C19orf38: variants seen among roughly 807,000 people sequenced by gnomAD.
The protein encoded by C19orf38 is chromosome 19 open reading frame 38.
Under a neutral mutation model 26.6 loss-of-function variants are expected in C19orf38, and 14 were observed. The ratio of observed to expected loss-of-function variants is 0.53; its 90% CI spans 0.35 to 0.82. The LOEUF (loss-of-function observed/expected upper bound fraction) is 0.82. C19orf38 is among the 40% of genes least tolerant of loss of function. The probability of loss-of-function intolerance (pLI) is 0.01; values close to 1 mark genes in which losing one functional copy is unlikely to be tolerated. For missense variants in C19orf38, 261 were observed against 299.5 expected, an observed-to-expected ratio of 0.87 and a Z score of 0.95; for synonymous variants, 132 against 128.5, an observed-to-expected ratio of 1.03 and a Z score of -0.18.
intron 1 of C19orf38, among the ~76,000 whole-genome samples, chr19:10,840,931 G>C (rs1043158546): frequency 6.6e-6 from 1 of 152,138 alleles, no homozygotes; most frequent in Non-Finnish European, 1.5e-5. Flanking sequence ...CACTGTGACC[G>C]GCCCTGTTTT....
chr19:10,841,553 G>A (rs2073477965), intron 1 of C19orf38, among the ~76,000 whole-genome samples: 1 of 152,176 alleles, frequency 6.6e-6, no homozygotes, highest in Non-Finnish European at 1.5e-5. Flanking sequence ...AGCACTTTGG[G>A]AGGCCGAGGT....
At chr19:10,844,375 C>G (rs540623857), upstream of C19orf38, among the ~76,000 whole-genome samples, 1 of 148,670 alleles carries the variant, frequency 6.7e-6, no homozygotes, top group East Asian at 2.0e-4. Context: ...TTCACTCCAG[C>G]CTGGGTAACA....
intron 6 of C19orf38, among the ~76,000 whole-genome samples, chr19:10,867,158 C>A (rs1488583094): frequency 6.6e-6 from 1 of 151,854 alleles, no homozygotes; most frequent in Non-Finnish European, 1.5e-5. Flanking sequence ...TCCCCCAGCC[C>A]CTGGCACCCA....
chr19:10,837,016 GT>G (rs2073437398), intron 1 of C19orf38, among the ~76,000 whole-genome samples: 2 of 152,166 alleles, frequency 1.3e-5, no homozygotes, highest in African/African-American at 4.8e-5. Flanking sequence ...TGGGAGCCAC[GT>G]TGCCTGGTTC....
chr19:10,857,366 AT>A (rs773726753), intron 3 of C19orf38, among the ~76,000 whole-genome samples: 938 of 56,054 alleles, frequency 0.017, 13 homozygotes, highest in Middle Eastern at 0.026. Context: ...ATATATATAT[AT>A]TTTTTTTTTT....
chr19:10,849,155 G>C (rs554624657), intron 1 of C19orf38, among the ~76,000 whole-genome samples: 1 of 148,484 alleles, frequency 6.7e-6, no homozygotes, highest in African/African-American at 2.5e-5. Context: ...CTCCTGCCAT[G>C]ATGGCCTCCT....
intron 2 of C19orf38, among the ~76,000 whole-genome samples, chr19:10,855,384 C>G (rs538005535): frequency 1.3e-5 from 2 of 152,188 alleles, no homozygotes; most frequent in South Asian, 2.1e-4. Context: ...GTCACCCAGG[C>G]TGGAGTGCAG....
chr19:10,861,780 G>T (rs1485891685), intron 5 of C19orf38, among the ~76,000 whole-genome samples: 1 of 151,814 alleles, frequency 6.6e-6, no homozygotes, highest in Admixed American at 6.6e-5. Context: ...GTTTCACCAT[G>T]TTGGCCTGGC....
chr19:10,856,550 C>G (rs1859516535), intron 3 of C19orf38, among the ~76,000 whole-genome samples, 193 bp downstream of exon 3: 1 of 152,192 alleles, frequency 6.6e-6, no homozygotes, highest in Admixed American at 6.5e-5. Context: ...GTCGCCCAGG[C>G]TGGAGTGCAG....
upstream of C19orf38, among the ~76,000 whole-genome samples, chr19:10,847,847 C>G (rs1240707193): frequency 9.2e-5 from 14 of 152,094 alleles, no homozygotes; most frequent in Admixed American, 9.2e-4. Flanking sequence ...GCATGGGTTT[C>G]CAAACATCCC....
chr19:10,846,202 T>C (rs2073515637), upstream of C19orf38, among the ~76,000 whole-genome samples: 1 of 151,060 alleles, frequency 6.6e-6, no homozygotes, highest in Non-Finnish European at 1.5e-5. Context: ...TGTTTTTTTG[T>C]TGTTTTTTTT....
At chr19:10,843,974 G>A (rs935322632), upstream of C19orf38, among the ~76,000 whole-genome samples, 6 of 151,958 alleles carry the variant, frequency 3.9e-5, no homozygotes, top group African/African-American at 1.2e-4. Flanking sequence ...TTAGCCAGCC[G>A]TAGTGGTGCA....
chr19:10,857,288 GTATGTATATATATA>G (rs1282187522), intron 3 of C19orf38, among the ~76,000 whole-genome samples: 12 of 133,286 alleles, frequency 9.0e-5, no homozygotes, highest in African/African-American at 3.5e-4. Flanking sequence ...ATATGTGTGT[GTATGTATATATATA>G]TGTGTGTATA....
At chr19:10,844,074 A>G (rs1011943594), upstream of C19orf38, among the ~76,000 whole-genome samples, 4 of 151,510 alleles carry the variant, frequency 2.6e-5, no homozygotes, top group South Asian at 2.1e-4. Context: ...AGATTGCGCC[A>G]CTGCACTCCA....
intron 4 of C19orf38, among the ~76,000 whole-genome samples, chr19:10,859,180 G>A (rs1179145923): frequency 2.0e-5 from 3 of 147,676 alleles, no homozygotes; most frequent in Admixed American, 1.4e-4. Flanking sequence ...CAGGTGATCC[G>A]CCCGCCTGTG....
At chr19:10,852,342 A>C (rs1228092616) in intron 2 of C19orf38, among the ~76,000 whole-genome samples, 1 of 152,154 alleles carries the variant, frequency 6.6e-6, no homozygotes, top group Non-Finnish European at 1.5e-5. Flanking sequence ...TTCCAGGCTG[A>C]CATTCCAGGC....
chr19:10,842,960 GGAAATGCTGACAATT>G (rs2073490195), intron 1 of C19orf38, among the ~76,000 whole-genome samples: 2 of 152,316 alleles, frequency 1.3e-5, no homozygotes, highest in South Asian at 4.1e-4. Context: ...AGAAGAATGA[GGAAATGCTGACAATT>G]GAAGGGTGAA....
At position 10,858,323 on chromosome 19, in the gene C19orf38, C is replaced by G; in HGVS notation, c.441C>G (p.Leu147=). Reference sequence around the variant, plus strand: ...ATTTCTTTTTTGTTCCAGTTAAACTCAGAAATTTACAGAAGAAAAGGTGAG... The same window carrying G: ...ATTTCTTTTTTGTTCCAGTTAAACTGAGAAATTTACAGAAGAAAAGGTGAG... ...AVALVVRKVK[L]RNLQKKRDRE... is the part of the protein sequence containing the mutation. Residue 147 remains leucine, a synonymous_variant, in exon 4 of 7, where the codon CTC becomes CTG. Transcript: ENST00000397820. 3.9e-6 allele frequency: 6 copies of G among 1,535,516 alleles called. No homozygotes were observed. The highest frequency in any genetic ancestry group is 5.3e-6 in the Non-Finnish European group (6 of 1,137,366).
chr19:10,848,356 C>A, upstream of C19orf38: 3 of 762,674 alleles, frequency 3.9e-6, no homozygotes, highest in South Asian at 4.9e-5. Flanking sequence ...AGTGCCCAAG[C>A]CTGTGTGTGC....
Sources: allele counts gnomAD v4.1 joint callset (sites outside exome capture counted in the v4.1 genomes callset), GRCh38; gene constraint gnomAD v4.1.1; transcripts MANE v1.5; gene names NCBI Gene and HGNC (gene_info 2026-07-23, HGNC 2026-07-21).